Variants in POU6F1 observed in about 807,000 individuals in gnomAD.
POU6F1 encodes the protein POU domain, class 6, transcription factor 1.
Under a neutral mutation model 28.9 loss-of-function variants are expected in POU6F1, and 9 were observed. That is an observed-to-expected ratio of 0.31 (90% confidence interval 0.19 to 0.54). POU6F1 has a LOEUF of 0.54. Among genes scored for constraint, POU6F1 ranks in the 20% least tolerant of loss-of-function variants. The pLI is 0.94. For synonymous variants in POU6F1, 173 were observed against 171.1 expected, an observed-to-expected ratio of 1.01 and a Z score of -0.09; for missense variants, 338 against 426.1, an observed-to-expected ratio of 0.79 and a Z score of 1.82.
Position 51,204,217 on chromosome 12 carries a change from C to G in POU6F1, c.200G>C (p.Gly67Ala). Residue 67 changes from glycine to alanine, a missense_variant, in exon 3 of 11, where the codon GGT becomes GCT. By Grantham distance (60) the Gly-to-Ala change is moderately conservative (BLOSUM62 0). This residue lies in a region of POU6F1 where 206 missense variants were observed against 225.6 expected (regional missense o/e 0.91). Transcript: ENST00000333640. ...GCCCAGGTTGTCTGGCCCAGCTTCA[C>G]CAGCAGCTTGACTGGCTTCAGCAGG... ...GDPAEASQAAGEAGPDNLGSS... is the reference protein window; with the variant it reads ...GDPAEASQAAAEAGPDNLGSS... 1 of 399,246 alleles carries G rather than the reference C, an allele frequency of 2.5e-6. No homozygotes were observed. Among genetic ancestry groups the G allele is most frequent in the Non-Finnish European group, 4.4e-6 (1 of 226,256 alleles). The allele number at this position is 399,246 out of a possible 1,614,324, so 24.7% of individuals were successfully genotyped here. A position where few individuals can be genotyped will look rare whatever the true frequency, so the allele number is the denominator to read the frequency against.
At chr12:51,206,958 CAG>C (rs1409816377) in intron 1 of POU6F1, 75 bp from the exon 2 acceptor site, 2 of 392,478 alleles carry the variant, frequency 5.1e-6, no homozygotes, top group Non-Finnish European at 9.0e-6. Context: ...CTAGAAAAGT[CAG>C]AATAGAATCA....
Position 51,190,384 on chromosome 12 carries a change from G to C in POU6F1, c.1699C>G (p.Pro567Ala). ...EALNAYFEKN[P>A]LPTGQEITEI... is the part of the protein sequence containing the mutation. ...GTGATCTCCTGGCCTGTGGGCAGTG[G>C]GTTCTTCTCAAAATAGGCATTGAGA... The change falls in exon 11 of 11, where the codon CCA (proline) becomes GCA (alanine). Residue 567 changes from proline to alanine, a missense_variant. By Grantham distance (27) the Pro-to-Ala change is conservative. This residue lies in a region of POU6F1 where 126 missense variants were observed against 176.5 expected (regional missense o/e 0.71). Coordinates refer to ENST00000333640, the MANE Select transcript of POU6F1 (RefSeq NM_001330422.2). The surrounding 1 kb of genome is among the most constrained non-coding windows in gnomAD (Gnocchi z 4.5). The C allele has an allele frequency of 6.2e-7, 1 of 1,614,142 alleles. No individual in the cohort carries two copies. Among genetic ancestry groups the C allele is most frequent in the Non-Finnish European group, 8.5e-7 (1 of 1,180,024 alleles).
At position 51,206,894 on chromosome 12, in the gene POU6F1, T is replaced by C. The variant is rs1039235249; in HGVS notation, c.-47-11A>G. ...CACACCTAGCACATCCTGGGTAAGA[T>C]GGGATTGGAAAGGCAAAGGGTGATG... On this transcript the variant is annotated splice_polypyrimidine_tract_variant and intron_variant, in intron 1 of 10. Transcript: ENST00000333640. The C allele has an allele frequency of 4.5e-5, 18 of 398,050 alleles. No individual in the cohort carries two copies. Among genetic ancestry groups the C allele is most frequent in the African/African-American group, 3.1e-4 (15 of 48,378 alleles). The allele number at this position is 398,050 out of a possible 1,614,324, so 24.7% of individuals were successfully genotyped here.
intron 1 of POU6F1, among the ~76,000 whole-genome samples, chr12:51,208,046 G>A (rs1300720398): frequency 6.6e-6 from 1 of 151,516 alleles, no homozygotes; most frequent in African/African-American, 2.4e-5. Flanking sequence ...GCCAAGGCAG[G>A]AGGATCACCT....
chr12:51,217,720 G>GGGGGCCGGGGCC lies in POU6F1; in HGVS notation c.-138_-127dup, dbSNP rs954930515. Reference sequence around the variant, plus strand: ...GAGATTCATCTCACAGCCCGGGCCAGGGGGCCGGGGCCGGGGCCGGGGCCA... The same window carrying GGGGGCCGGGGCC: ...GAGATTCATCTCACAGCCCGGGCCAGGGGGCCGGGGCCGGGGCCGGGGCCGGGGCCGGGGCCA... On this transcript the variant is annotated 5_prime_UTR_variant, in exon 1 of 11. Coordinates refer to ENST00000333640, the MANE Select transcript of POU6F1 (RefSeq NM_001330422.2). The surrounding 1 kb of genome is among the most constrained non-coding windows in gnomAD (Gnocchi z 5.3). The GGGGGCCGGGGCC allele has an allele frequency of 7.2e-5, 11 of 151,970 alleles. No individual in the cohort carries two copies. The highest frequency in any genetic ancestry group is 1.9e-4 in the African/African-American group (8 of 41,306). The allele number at this position is 151,970 out of a possible 1,614,324, so 9.4% of individuals were successfully genotyped here.
intron 9 of POU6F1, 52 bp downstream of exon 9, chr12:51,192,278 C>T: frequency 1.9e-6 from 3 of 1,593,938 alleles, no homozygotes; most frequent in Non-Finnish European, 2.6e-6. Context: ...GATTGGGTGC[C>T]CACATAAATG....
intron 8 of POU6F1, among the ~76,000 whole-genome samples, chr12:51,195,075 G>A (rs1942719829): frequency 6.6e-6 from 1 of 152,192 alleles, no homozygotes; most frequent in African/African-American, 2.4e-5. Context: ...GCTCTAGCAT[G>A]TGATACTTGT....
chr12:51,214,067 G>T (rs907782876), intron 1 of POU6F1, among the ~76,000 whole-genome samples: 1 of 151,758 alleles, frequency 6.6e-6, no homozygotes, highest in Non-Finnish European at 1.5e-5. Context: ...CGCTTGAACC[G>T]GGAGGCGGAG....
At chr12:51,203,928 TC>T (rs1030937321) in intron 3 of POU6F1, among the ~76,000 whole-genome samples, 4 of 152,090 alleles carry the variant, frequency 2.6e-5, no homozygotes, top group Non-Finnish European at 5.9e-5. Flanking sequence ...ACCAGTCTCT[TC>T]CCACCTCACC....
chr12:51,212,776 C>CA (rs1176606531), intron 1 of POU6F1, among the ~76,000 whole-genome samples: 22,901 of 38,104 alleles, frequency 0.6, 7,466 homozygotes, highest in Non-Finnish European at 0.66. Context: ...AACTCCGTCT[C>CA]AAAAAAAAAA....
intron 3 of POU6F1, among the ~76,000 whole-genome samples, chr12:51,203,910 G>A (rs1943392892): frequency 6.6e-6 from 1 of 152,140 alleles, no homozygotes; most frequent in African/African-American, 2.4e-5. Flanking sequence ...CCCCCTAAGC[G>A]GAGCGCTACC....
At chr12:51,194,312 C>A (rs957337847) in intron 8 of POU6F1, among the ~76,000 whole-genome samples, 3 of 152,144 alleles carry the variant, frequency 2.0e-5, no homozygotes, top group Non-Finnish European at 4.4e-5. Context: ...CAGGCCTGAG[C>A]CACTGTGCCC....
Position 51,198,569 on chromosome 12 carries a change from T to A in POU6F1, c.573A>T (p.Pro191=). The change falls in exon 5 of 11, where the codon CCA becomes CCT. Residue 191 remains proline (P), a synonymous_variant. Coordinates refer to ENST00000333640, the MANE Select transcript of POU6F1 (RefSeq NM_001330422.2). The part of the protein sequence containing the change: ...AASPTGGVFK[P]PLAGLQAAAV... The stretch of plus-strand genomic sequence containing the variant: ...CGTTACCTTGGAGACCGGCTAAAGG[T>A]GGCTTGAACACTCCCCCCGTAGGAG... The A allele has an allele frequency of 2.5e-6, 1 of 399,106 alleles. No individual in the cohort carries two copies. The allele number at this position is 399,106 out of a possible 1,614,324, so 24.7% of individuals were successfully genotyped here.
At chr12:51,191,452 CCCTTAAGATGGTCTT>C in intron 10 of POU6F1, 129 bp downstream of exon 10, 1 of 977,294 alleles carries the variant, frequency 1.0e-6, no homozygotes, top group Non-Finnish European at 1.5e-6. Flanking sequence ...TTCATATCTA[CCCTTAAGATGGTCTT>C]CCTTATCTGG....
rs1944352281 is a variant in POU6F1, at chr12:51,217,545, T to C, written c.-48+97A>G. The C allele has an allele frequency of 6.6e-6, 1 of 152,042 alleles. No homozygotes were observed. 9.4% of individuals were successfully genotyped at this position (152,042 alleles called of 1,614,324 possible). ...ATCATAAATATATAAATTATGCTAA[T>C]TACGGGCATTGCATATTAACCAAAC... On this transcript the variant is annotated intron_variant, in intron 1 of 10. Transcript: ENST00000333640. This position sits in a 1 kb window ranked among gnomAD's most constrained non-coding sequence, Gnocchi z 5.3.
chr12:51,207,172 T>C, intron 1 of POU6F1: 1 of 176,560 alleles, frequency 5.7e-6, no homozygotes, highest in Non-Finnish European at 1.2e-5. Flanking sequence ...TACAGGCATG[T>C]GCCACCACGC....
chr12:51,191,886 C>G, intron 9 of POU6F1, 122 bp from the exon 10 acceptor site: 1 of 1,214,188 alleles, frequency 8.2e-7, no homozygotes, highest in Non-Finnish European at 1.2e-6. Flanking sequence ...AAGGCTCACG[C>G]ACCTTCAAGA....
chr12:51,196,078 C>T lies in POU6F1; in HGVS notation c.1071G>A (p.Leu357=). Residue 357 remains leucine (L), a synonymous_variant, in exon 8 of 11, where the codon CTG becomes CTA. Coordinates refer to ENST00000333640, the MANE Select transcript of POU6F1 (RefSeq NM_001330422.2). The part of the protein sequence containing the change: ...SLQVQAVTPQ[L]LLNAQGQVIA... ...TCACCTGGCCCTGGGCGTTCAACAA[C>T]AGCTGGGGGGTCACGGCCTGGACCT... 6.2e-7 allele frequency: 1 copy of T among 1,607,544 alleles called. No homozygotes were observed. The highest frequency in any genetic ancestry group is 8.5e-7 in the Non-Finnish European group (1 of 1,177,586).
intron 10 of POU6F1, 47 bp downstream of exon 10, chr12:51,191,549 C>G (rs964111417): frequency 6.3e-7 from 1 of 1,582,232 alleles, no homozygotes; most frequent in African/African-American, 1.3e-5. Context: ...CCGGTGGCAC[C>G]AGGCAGCTGA....
Sources: gnomAD v4.1 joint callset for allele counts (sites outside exome capture counted in the v4.1 genomes callset) on GRCh38, gnomAD v4.1.1 for gene constraint, gnomAD v4.1.1 regional missense constraint, Gnocchi (gnomAD v3.1) non-coding constraint, MANE v1.5 for transcripts, NCBI Gene and HGNC (gene_info 2026-07-23, HGNC 2026-07-21) for gene names.